The following RNF24 variants were observed in gnomAD, a reference collection of about 807,000 sequenced individuals.
The protein encoded by RNF24 is ring finger protein 24.
In RNF24, 14 loss-of-function variants were observed where a neutral mutation model predicts 20.0. The observed-to-expected ratio is 0.70, with a 90% CI of 0.46 to 1.10. The LOEUF is 1.10. RNF24 is among the 50% of genes least tolerant of loss of function. RNF24 has a pLI of 0.00. For missense variants in RNF24, 124 were observed against 177.6 expected, an observed-to-expected ratio of 0.70 and a Z score of 1.71; for synonymous variants, 45 against 61.1, an observed-to-expected ratio of 0.74 and a Z score of 1.23.
chr20:4,002,697 A>G (rs1466466682), intron 1 of RNF24, among the ~76,000 whole-genome samples: 1 of 152,176 alleles, frequency 6.6e-6, no homozygotes, highest in African/African-American at 2.4e-5. Flanking sequence ...TTTTCCTCAG[A>G]TATGACCAGA....
chr20:3,998,268 G>A (rs995226105), intron 1 of RNF24, among the ~76,000 whole-genome samples: 5 of 151,780 alleles, frequency 3.3e-5, no homozygotes, highest in African/African-American at 7.3e-5. Context: ...GTGAAACCCC[G>A]TCTCTACTAA....
At chr20:3,960,406 A>G (rs1352828020) in intron 2 of RNF24, among the ~76,000 whole-genome samples, 2 of 152,228 alleles carry the variant, frequency 1.3e-5, no homozygotes, top group Non-Finnish European at 2.9e-5. Flanking sequence ...GCGGTGGCTC[A>G]TGCCTGTAAT....
chr20:3,962,347 C>T (rs937103215), intron 2 of RNF24, among the ~76,000 whole-genome samples: 3 of 151,972 alleles, frequency 2.0e-5, no homozygotes, highest in African/African-American at 7.3e-5. Context: ...GAGTGAGAAC[C>T]CATCTCAAAT....
chr20:3,962,380 A>G (rs2091211511), intron 2 of RNF24, among the ~76,000 whole-genome samples: 1 of 152,172 alleles, frequency 6.6e-6, no homozygotes, highest in Admixed American at 6.5e-5. Context: ...AACAATAAAG[A>G]ACTCATTGTC....
At chr20:3,994,844 A>G (rs889911831) in intron 1 of RNF24, among the ~76,000 whole-genome samples, 2 of 152,244 alleles carry the variant, frequency 1.3e-5, no homozygotes, top group Non-Finnish European at 2.9e-5. Flanking sequence ...CCTGAAGACA[A>G]AAGACTAGAA....
chr20:3,997,599 T>A (rs950921439), intron 1 of RNF24, among the ~76,000 whole-genome samples: 1 of 151,924 alleles, frequency 6.6e-6, no homozygotes, highest in South Asian at 2.1e-4. Flanking sequence ...GCTAATTATT[T>A]TTTTTTTCCA....
chr20:4,014,739 GCACACACACACA>G (rs146278311), intron 1 of RNF24, among the ~76,000 whole-genome samples: 37 of 143,778 alleles, frequency 2.6e-4, no homozygotes, highest in South Asian at 6.9e-4. Flanking sequence ...ACTTGAATGC[GCACACACACACA>G]CACACACACA....
intron 4 of RNF24, among the ~76,000 whole-genome samples, chr20:3,942,173 ATTT>A (rs35759811): frequency 6.9e-6 from 1 of 145,522 alleles, no homozygotes. Flanking sequence ...TCAGAAAAAT[ATTT>A]TTTTTTTTTT....
chr20:4,010,048 CACAAACAAACAAACAAACAAACAAACAA>C lies in RNF24; in HGVS notation c.-8+5361_-8+5388del, dbSNP rs11468648. ...CCTGGGTGAAAGAGTGAGACCCTGT[CACAAACAAACAAACAAACAAACAAACAA>C]ACAAACAAACAAACAAGGCCAGATG... On this transcript the variant is annotated intron_variant, in intron 1 of 5. Transcript: ENST00000358395. Among the ~76,000 whole-genome samples, 1,410 of 147,460 alleles carry C rather than the reference CACAAACAAACAAACAAACAAACAAACAA, an allele frequency of 9.6e-3. 31 individuals are homozygous for C. Among genetic ancestry groups the C allele is most frequent in the African/African-American group, 0.034 (1,347 of 39,622 alleles).
intron 4 of RNF24, among the ~76,000 whole-genome samples, chr20:3,935,579 C>T (rs1203932873): frequency 6.6e-6 from 1 of 152,244 alleles, no homozygotes; most frequent in Non-Finnish European, 1.5e-5. Flanking sequence ...CCCACTTTGG[C>T]ACTGTCCTTC....
intron 1 of RNF24, among the ~76,000 whole-genome samples, chr20:3,966,193 C>A (rs2091256165): frequency 6.8e-6 from 1 of 146,282 alleles, no homozygotes; most frequent in South Asian, 2.2e-4. Context: ...CTGTACTGGG[C>A]AAGCTAAGAG....
intron 1 of RNF24, among the ~76,000 whole-genome samples, chr20:3,986,105 T>C (rs373262761): frequency 5.3e-5 from 8 of 152,282 alleles, no homozygotes; most frequent in East Asian, 3.9e-4. Context: ...TAAATCATTC[T>C]ATTAGATCTT....
intron 1 of RNF24, among the ~76,000 whole-genome samples, chr20:4,009,493 G>A (rs1856556799): frequency 6.6e-6 from 1 of 152,174 alleles, no homozygotes; most frequent in Admixed American, 6.5e-5. Context: ...GCCTCCGACA[G>A]GAGACAGAAA....
At chr20:4,010,833 T>G (rs1600728986) in intron 1 of RNF24, among the ~76,000 whole-genome samples, 1 of 152,186 alleles carries the variant, frequency 6.6e-6, no homozygotes, top group Admixed American at 6.5e-5. Flanking sequence ...CAGTGCCAGG[T>G]GCATGTTCTT....
intron 2 of RNF24, among the ~76,000 whole-genome samples, chr20:3,954,169 C>G (rs557447365): frequency 6.6e-6 from 1 of 152,300 alleles, no homozygotes; most frequent in East Asian, 1.9e-4. Context: ...TGTCCATCTA[C>G]CAGCTATCTC....
intron 1 of RNF24, among the ~76,000 whole-genome samples, chr20:3,973,620 T>A (rs1188496841): frequency 1.3e-5 from 2 of 150,938 alleles, no homozygotes; most frequent in African/African-American, 4.9e-5. Flanking sequence ...TACACACATA[T>A]ACAGACATAA....
chr20:3,991,338 G>A (rs766186613), intron 1 of RNF24, among the ~76,000 whole-genome samples: 18 of 138,824 alleles, frequency 1.3e-4, no homozygotes, highest in Admixed American at 1.1e-3. Context: ...TGCAACCTCC[G>A]CCTACCTGGT....
chr20:3,991,576 T>C (rs1980446105), intron 1 of RNF24, among the ~76,000 whole-genome samples: 1 of 152,104 alleles, frequency 6.6e-6, no homozygotes, highest in East Asian at 1.9e-4. Context: ...TTAAAGAAAA[T>C]TGTCCCAGTT....
At chr20:3,975,054 T>C (rs755357890) in intron 1 of RNF24, among the ~76,000 whole-genome samples, 2 of 152,156 alleles carry the variant, frequency 1.3e-5, no homozygotes, top group Admixed American at 6.6e-5. Flanking sequence ...AGCAAAAGGA[T>C]AGACACATAA....
Sources: allele counts gnomAD v4.1 joint callset (sites outside exome capture counted in the v4.1 genomes callset), GRCh38; gene constraint gnomAD v4.1.1; transcripts MANE v1.5; gene names NCBI Gene and HGNC (gene_info 2026-07-23, HGNC 2026-07-21).